The following USP2 variants were observed in gnomAD, a reference collection of about 807,000 sequenced individuals.
USP2 encodes the protein ubiquitin carboxyl-terminal hydrolase 2.
A neutral mutation model predicts 72.0 loss-of-function variants in USP2; 33 were observed. That is an observed-to-expected ratio of 0.46 (90% CI 0.35 to 0.61). The LOEUF (loss-of-function observed/expected upper bound fraction) is 0.61. Ranked by LOEUF, USP2 falls within the 20% of genes least tolerant of loss-of-function variation. The pLI, the probability that USP2 is intolerant of heterozygous loss-of-function variation, is 0.01. For missense variants in USP2, 691 were observed against 797.8 expected, an observed-to-expected ratio of 0.87 and a Z score of 1.61; for synonymous variants, 296 against 312.5, an observed-to-expected ratio of 0.95 and a Z score of 0.56.
chr11:119,379,836 G>T (rs1354563103), intron 1 of USP2, among the ~76,000 whole-genome samples: 1 of 151,378 alleles, frequency 6.6e-6, no homozygotes, highest in African/African-American at 2.4e-5. Flanking sequence ...ATAATTAGTG[G>T]TATTATTAAT....
intron 1 of USP2, chr11:119,376,257 C>T: frequency 1.0e-6 from 1 of 985,770 alleles, no homozygotes; most frequent in Non-Finnish European, 1.2e-6. Flanking sequence ...ACAGAATGCA[C>T]TATGGGCAGG....
chr11:119,372,304 C>T (rs900059667), intron 2 of USP2, among the ~76,000 whole-genome samples: 2 of 152,224 alleles, frequency 1.3e-5, no homozygotes, highest in African/African-American at 2.4e-5. Flanking sequence ...GATGCAACCA[C>T]AGCAAGGAGG....
At chr11:119,359,481 G>A in intron 4 of USP2, 56 bp downstream of exon 4, 1 of 1,609,820 alleles carries the variant, frequency 6.2e-7, no homozygotes, top group Non-Finnish European at 8.5e-7. Flanking sequence ...AACAGCCCCA[G>A]TGGAGTGGAG....
At chr11:119,374,042 T>A (rs1056664045) in intron 1 of USP2, among the ~76,000 whole-genome samples, 2 of 152,004 alleles carry the variant, frequency 1.3e-5, no homozygotes. Flanking sequence ...TTTGGTCAGA[T>A]CCCCTGTGAG....
At chr11:119,361,071 T>C (rs1313277660) in intron 2 of USP2, among the ~76,000 whole-genome samples, 1 of 152,230 alleles carries the variant, frequency 6.6e-6, no homozygotes. Context: ...CCTGCCATTC[T>C]GAATTGCCAG....
intron 1 of USP2, among the ~76,000 whole-genome samples, chr11:119,376,922 C>T (rs1206201689): frequency 6.6e-6 from 1 of 152,252 alleles, no homozygotes; most frequent in Non-Finnish European, 1.5e-5. Flanking sequence ...CAGGTTTAAG[C>T]TGGGATTCTT....
Position 119,356,388 on chromosome 11 carries a change from G to C in USP2, c.*447C>G, listed in dbSNP as rs1175009715. ...GGCTCTTGGCTCATGGCTCTGGACC[G>C]GCGAGCCGTGCGGGTGGAGATGGGC... is the stretch of plus-strand genomic sequence containing the variant. On this transcript the variant is annotated 3_prime_UTR_variant, in exon 13 of 13. Transcript: ENST00000260187. 1 of 162,884 alleles carries C rather than the reference G, an allele frequency of 6.1e-6. No homozygotes were observed. Among genetic ancestry groups the C allele is most frequent in the African/African-American group, 2.4e-5 (1 of 41,668 alleles). 10.1% of individuals were successfully genotyped at this position (162,884 alleles called of 1,614,324 possible).
At position 119,359,663 on chromosome 11, in the gene USP2, G is replaced by T; in HGVS notation, c.826-3C>A. 6.2e-7 allele frequency: 1 copy of T among 1,613,080 alleles called. No homozygotes were observed. ...TGCAGAATTGAGTTCATGAAGCACT[G>T]CAAGAGATGACCAGGCAATCAGTGG... On this transcript the variant is annotated splice_region_variant and splice_polypyrimidine_tract_variant and intron_variant, in intron 3 of 12. Transcript: ENST00000260187.
intron 2 of USP2, 158 bp from the exon 3 acceptor site, chr11:119,360,392 A>T: frequency 1.3e-6 from 1 of 767,060 alleles, no homozygotes; most frequent in Non-Finnish European, 2.3e-6. Flanking sequence ...TGTAGGAAAG[A>T]GGATTGAGGA....
chr11:119,371,799 G>T (rs1025952081), intron 2 of USP2, among the ~76,000 whole-genome samples: 3 of 152,072 alleles, frequency 2.0e-5, no homozygotes, highest in African/African-American at 7.2e-5. Flanking sequence ...CCATCTACCC[G>T]TGTATCCACC....
chr11:119,380,044 A>G lies in USP2; in HGVS notation c.-42+1429T>C, dbSNP rs1304783297. Reference sequence around the variant, plus strand: ...ATTCTCCTGCCTCAGCCTCCCGAGTAGCTGGGACTACAGGCTCCCGCCAGC... The same window carrying G: ...ATTCTCCTGCCTCAGCCTCCCGAGTGGCTGGGACTACAGGCTCCCGCCAGC... On this transcript the variant is annotated intron_variant, in intron 1 of 12. Transcript: ENST00000260187. Among the ~76,000 whole-genome samples, 3 of 150,904 alleles carry G rather than the reference A, an allele frequency of 2.0e-5. No homozygotes were observed. The East Asian group carries it at 5.9e-4, about 30-fold the overall frequency.
intron 1 of USP2, among the ~76,000 whole-genome samples, chr11:119,377,299 G>A (rs1288502164): frequency 1.3e-4 from 20 of 152,180 alleles, no homozygotes; most frequent in Admixed American, 1.3e-3. Context: ...TATCTGGCCT[G>A]AAGCCCAGAC....
At position 119,355,397 on chromosome 11, in the gene USP2, G is replaced by C. The variant is rs773932082; in HGVS notation, c.*1438C>G. On this transcript the variant is annotated 3_prime_UTR_variant, in exon 13 of 13. Coordinates refer to ENST00000260187, the MANE Select transcript of USP2 (RefSeq NM_004205.5). ...TGTCTTTCTCTGATGCCTCCTCCTAGGAGCCTGGAATGTGCCAGGCTCCAC... is the reference window on the plus strand; with the variant it reads ...TGTCTTTCTCTGATGCCTCCTCCTACGAGCCTGGAATGTGCCAGGCTCCAC... 1 of 152,268 alleles carries C rather than the reference G, an allele frequency of 6.6e-6. No individual in the cohort carries two copies. The highest frequency in any genetic ancestry group is 1.5e-5 in the Non-Finnish European group (1 of 68,070). The allele number at this position is 152,268 out of a possible 1,614,324, so 9.4% of individuals were successfully genotyped here.
chr11:119,364,322 A>G, intron 2 of USP2: 1 of 388,006 alleles, frequency 2.6e-6, no homozygotes, highest in Non-Finnish European at 3.5e-6. Flanking sequence ...CGCGGACCCG[A>G]ACGAGGCGAC....
At chr11:119,375,074 G>A (rs569969509) in intron 1 of USP2, among the ~76,000 whole-genome samples, 1 of 152,326 alleles carries the variant, frequency 6.6e-6, no homozygotes, top group African/African-American at 2.4e-5. Context: ...TCCCAGCCTG[G>A]CCAGCCTCTG....
chr11:119,370,467 A>G (rs1366529038), intron 2 of USP2, among the ~76,000 whole-genome samples: 1 of 152,182 alleles, frequency 6.6e-6, no homozygotes, highest in Non-Finnish European at 1.5e-5. Context: ...GAGCACCACA[A>G]ATGAGTGCCT....
chr11:119,372,126 A>C (rs959568426), intron 2 of USP2, among the ~76,000 whole-genome samples: 3 of 152,020 alleles, frequency 2.0e-5, no homozygotes, highest in African/African-American at 7.3e-5. Flanking sequence ...CTAGATAAAA[A>C]TTTCTCCCCT....
intron 2 of USP2, chr11:119,363,817 G>C (rs1950805581): frequency 1.4e-6 from 2 of 1,379,482 alleles, no homozygotes; most frequent in South Asian, 1.7e-5. Flanking sequence ...CCAGGCCCTC[G>C]GCGCGGGGGT....
intron 7 of USP2, 36 bp from the exon 8 acceptor site, chr11:119,358,288 G>C (rs1384368797): frequency 6.3e-7 from 1 of 1,588,226 alleles, no homozygotes; most frequent in Non-Finnish European, 8.6e-7. Flanking sequence ...CTGAAATACA[G>C]GAAGTAGAGC....
Sources: gnomAD v4.1 joint callset for allele counts (sites outside exome capture counted in the v4.1 genomes callset) on GRCh38, gnomAD v4.1.1 for gene constraint, MANE v1.5 for transcripts, NCBI Gene and HGNC (gene_info 2026-07-23, HGNC 2026-07-21) for gene names.